Variants in SV2C observed in about 807,000 individuals in gnomAD.
SV2C encodes solute carrier family 22 member B3.
A neutral mutation model predicts 79.7 loss-of-function variants in SV2C; 49 were observed. The observed-to-expected ratio is 0.61, with a 90% CI of 0.49 to 0.78. SV2C has a LOEUF of 0.78. SV2C is among the 30% of genes least tolerant of loss of function. SV2C has a pLI of 0.00. For synonymous variants in SV2C, 334 were observed against 333.2 expected, an observed-to-expected ratio of 1.00 and a Z score of -0.03; for missense variants, 833 against 912.9, an observed-to-expected ratio of 0.91 and a Z score of 1.13.
At chr5:76,316,235 G>T (rs980145436) in intron 12 of SV2C, among the ~76,000 whole-genome samples, 1 of 152,202 alleles carries the variant, frequency 6.6e-6, no homozygotes, top group Non-Finnish European at 1.5e-5. Flanking sequence ...GAAAGGTGGA[G>T]TGGATGTTTT....
At chr5:75,879,583 T>A in the SV2C span, among the ~76,000 whole-genome samples, 2 of 152,212 alleles carry the variant, frequency 1.3e-5, no homozygotes, top group African/African-American at 4.8e-5. Flanking sequence ...CCCAAGGCCT[T>A]GGGCAGCTTT....
intron 4 of SV2C, chr5:76,280,916 G>A: frequency 1.9e-6 from 1 of 522,066 alleles, no homozygotes; most frequent in South Asian, 1.4e-5. Flanking sequence ...CTGTGTTCCT[G>A]GTGCTGAGAG....
chr5:75,982,967 G>C, the SV2C span, among the ~76,000 whole-genome samples: 5 of 152,190 alleles, frequency 3.3e-5, no homozygotes, highest in African/African-American at 1.2e-4. Context: ...CTTTTGGAGG[G>C]GGGAGGGTGA....
rs1348163621 is a variant in SV2C at position 76,298,934 on chromosome 5, G to A, written c.1636+7G>A. On this transcript the variant is annotated splice_region_variant and intron_variant, in intron 10 of 12. Coordinates refer to ENST00000502798, the MANE Select transcript of SV2C (RefSeq NM_014979.4). ...ACTGTTTTTGACAACACAGGTAGGT[G>A]TGCTACTTAGTACTGCCTCTACCTG... is the stretch of plus-strand genomic sequence containing the variant. 6.2e-7 allele frequency: 1 copy of A among 1,613,000 alleles called. No individual in the cohort carries two copies. The highest frequency in any genetic ancestry group is 8.5e-7 in the Non-Finnish European group (1 of 1,179,652).
chr5:76,162,818 C>T lies in SV2C; in HGVS notation c.580+30488C>T, dbSNP rs560071502. ...ATGCTCCTCCACCTCTTTTACCAGTCGGTAGTCCTGAGAGCAGGGTTTTCC... is the reference window on the plus strand; with the variant it reads ...ATGCTCCTCCACCTCTTTTACCAGTTGGTAGTCCTGAGAGCAGGGTTTTCC... On this transcript the variant is annotated intron_variant, in intron 2 of 12. Coordinates refer to ENST00000502798, the MANE Select transcript of SV2C (RefSeq NM_014979.4). Among the ~76,000 whole-genome samples, 19 of 152,286 alleles carry T rather than the reference C, an allele frequency of 1.2e-4. No homozygotes were observed. In the East Asian group the frequency reaches 2.9e-3, roughly 23 times the overall value.
intron 3 of SV2C, among the ~76,000 whole-genome samples, chr5:76,207,349 C>A (rs1744637898): frequency 6.6e-6 from 1 of 152,050 alleles, no homozygotes; most frequent in Non-Finnish European, 1.5e-5. Flanking sequence ...AAAACTAGGA[C>A]TATTTTTATG....
At chr5:75,989,573 G>A in the SV2C span, among the ~76,000 whole-genome samples, 5 of 151,934 alleles carry the variant, frequency 3.3e-5, no homozygotes, top group Non-Finnish European at 5.9e-5. Flanking sequence ...TTGCTATTGT[G>A]AATAGTGCTG....
At chr5:76,131,551 G>T in intron 1 of SV2C, 99 bp from the exon 2 acceptor site, 6 of 363,340 alleles carry the variant, frequency 1.7e-5, no homozygotes, top group Non-Finnish European at 2.4e-5. Flanking sequence ...ATTCTGTGTT[G>T]TAGTTTGTGG....
In SV2C at chr5:76,282,810, G is replaced by C. The variant is rs74491440; in HGVS notation, c.914-2352G>C. On this transcript the variant is annotated intron_variant, in intron 4 of 12. Transcript: ENST00000502798. ...GGATCACTTGAGGTCAGGAGTTCGA[G>C]ACCAGTCTGGCCAACATGATGAAAC... is the stretch of plus-strand genomic sequence containing the variant. Among the ~76,000 whole-genome samples, 96 of 152,202 alleles carry C rather than the reference G, an allele frequency of 6.3e-4. 1 individual carries two copies. In the East Asian group the frequency reaches 0.016, roughly 25 times the overall value.
intron 4 of SV2C, among the ~76,000 whole-genome samples, chr5:76,223,493 ATATG>A (rs1350572523): frequency 2.2e-3 from 77 of 35,146 alleles, no homozygotes; most frequent in African/African-American, 0.01. Flanking sequence ...ATATATATAT[ATATG>A]TATATGTATA....
intron 3 of SV2C, among the ~76,000 whole-genome samples, chr5:76,207,854 A>G (rs894464410): frequency 7.9e-5 from 12 of 151,164 alleles, no homozygotes; most frequent in African/African-American, 3.0e-4. Context: ...AAATAAAAAT[A>G]AAATAAAATA....
intron 12 of SV2C, among the ~76,000 whole-genome samples, chr5:76,309,197 C>T (rs2972846): frequency 0.096 from 14,652 of 151,974 alleles, 753 homozygotes; most frequent in Admixed American, 0.14. Flanking sequence ...TGTGTGGGGA[C>T]GGGGAGACTT....
the SV2C span, among the ~76,000 whole-genome samples, chr5:75,878,868 T>A: frequency 6.4e-3 from 980 of 152,284 alleles, 12 homozygotes; most frequent in African/African-American, 0.022. Context: ...AAAAGGTTTA[T>A]TTGGCTCATG....
At chr5:76,257,162 A>AATC (rs1746295214) in intron 4 of SV2C, among the ~76,000 whole-genome samples, 1 of 152,156 alleles carries the variant, frequency 6.6e-6, no homozygotes, top group South Asian at 2.1e-4. Flanking sequence ...CCTACTTATT[A>AATC]ATCTTATTAA....
At chr5:76,138,981 T>G (rs554274701) in intron 2 of SV2C, among the ~76,000 whole-genome samples, 1 of 152,016 alleles carries the variant, frequency 6.6e-6, no homozygotes, top group South Asian at 2.1e-4. Flanking sequence ...TAGTCGGGTG[T>G]GGTAGCGGGT....
chr5:76,069,091 TCTTCAGCTCCTTC>T, the SV2C span, among the ~76,000 whole-genome samples: 1 of 152,232 alleles, frequency 6.6e-6, no homozygotes, highest in Non-Finnish European at 1.5e-5. Context: ...CATTGCATGG[TCTTCAGCTCCTTC>T]CTAAATATGT....
At chr5:76,351,788 G>A (rs992849663) in intron 12 of SV2C, among the ~76,000 whole-genome samples, 1 of 152,170 alleles carries the variant, frequency 6.6e-6, no homozygotes, top group Non-Finnish European at 1.5e-5. Flanking sequence ...TAGCCAGACC[G>A]TGTCTCCTGT....
the SV2C span, among the ~76,000 whole-genome samples, chr5:75,894,548 T>A: frequency 6.6e-6 from 1 of 152,112 alleles, no homozygotes; most frequent in African/African-American, 2.4e-5. Context: ...GAATTGTCAT[T>A]ATTTGACCTG....
the SV2C span, among the ~76,000 whole-genome samples, chr5:76,010,824 A>T: frequency 6.6e-6 from 1 of 152,124 alleles, no homozygotes; most frequent in Non-Finnish European, 1.5e-5. Flanking sequence ...ATTAGCAGTC[A>T]TATTATGAAA....
Sources: gnomAD v4.1 joint callset for allele counts (sites outside exome capture counted in the v4.1 genomes callset) on GRCh38, gnomAD v4.1.1 for gene constraint, MANE v1.5 for transcripts, NCBI Gene and HGNC (gene_info 2026-07-23, HGNC 2026-07-21) for gene names.